Variants in PIGF observed in about 807,000 individuals in gnomAD.
The protein encoded by PIGF is phosphatidylinositol glycan anchor biosynthesis class F, also known as GPI ethanolamine phosphate transferase, stabilizing subunit.
A neutral mutation model predicts 26.0 loss-of-function variants in PIGF; 23 were observed. The ratio of observed to expected loss-of-function variants is 0.88; its 90% CI spans 0.64 to 1.25. The LOEUF (loss-of-function observed/expected upper bound fraction) is 1.25. Ranked by LOEUF, PIGF falls within the 50% of genes most tolerant of loss-of-function variation. The probability of loss-of-function intolerance (pLI) is 0.00; values close to 1 mark genes in which losing one functional copy is unlikely to be tolerated. For synonymous variants in PIGF, 93 were observed against 92.6 expected (o/e 1.00, Z -0.03); for missense variants, 278 against 249.9 (o/e 1.11, Z -0.76).
intron 4 of PIGF, among the ~76,000 whole-genome samples, chr2:46,594,273 T>C (rs1669812499): frequency 6.6e-6 from 1 of 152,224 alleles, no homozygotes. Context: ...CTCTATACTG[T>C]AATACATAAA....
Position 46,612,313 on chromosome 2 carries a change from T to C in PIGF, c.352A>G (p.Ile118Val). Residue 118 changes from isoleucine (I) to valine (V), a missense_variant, in exon 4 of 6, where the codon ATT becomes GTT. Ile to Val is a conservative substitution (Grantham distance 29). Coordinates refer to ENST00000281382, the MANE Select transcript of PIGF (RefSeq NM_002643.4). ...GGCACAGTAGTAAAAGTAGACAAAATAACTGCAAATAAAAATGTTTCCAAT... is the reference window on the plus strand; with the variant it reads ...GGCACAGTAGTAAAAGTAGACAAAACAACTGCAAATAAAAATGTTTCCAAT... ...LALETFLFAVILSTFTTVPCL... is the reference protein window; with the variant it reads ...LALETFLFAVVLSTFTTVPCL... 1 of 1,452,614 alleles carries C rather than the reference T, an allele frequency of 6.9e-7. No individual in the cohort carries two copies. Among genetic ancestry groups the C allele is most frequent in the Non-Finnish European group, 9.2e-7 (1 of 1,089,922 alleles). The allele number at this position is 1,452,614 out of a possible 1,614,324, so 90.0% of individuals were successfully genotyped here.
In PIGF at chr2:46,614,936, C is replaced by T. The variant is rs1465721782; in HGVS notation, c.228+1G>A. ...ATCAGTTATTGAGACATAAGCCTTA[C>T]CTTGTGTGATAATGAACTTCTTTTA... On this transcript the variant is annotated splice_donor_variant, in intron 2 of 5. Coordinates refer to ENST00000281382, the MANE Select transcript of PIGF (RefSeq NM_002643.4). LOFTEE classifies it high-confidence loss of function. 1 of 1,357,642 alleles carries T rather than the reference C, an allele frequency of 7.4e-7. No homozygotes were observed. Among genetic ancestry groups the T allele is most frequent in the Non-Finnish European group, 1.1e-6 (1 of 946,554 alleles). 84.1% of individuals were successfully genotyped at this position (1,357,642 alleles called of 1,614,324 possible).
chr2:46,607,953 C>T (rs1476937616), intron 4 of PIGF, among the ~76,000 whole-genome samples: 2 of 152,166 alleles, frequency 1.3e-5, no homozygotes, highest in African/African-American at 2.4e-5. Flanking sequence ...CTGTCTCAGC[C>T]TCCCAAAGTG....
At chr2:46,587,110 AT>A (rs757291959) in intron 5 of PIGF, among the ~76,000 whole-genome samples, 9 of 152,212 alleles carry the variant, frequency 5.9e-5, no homozygotes, top group Non-Finnish European at 1.0e-4. Flanking sequence ...ATCCAAAACC[AT>A]TTCATGCCAG....
chr2:46,607,141 A>C (rs1670248941), intron 4 of PIGF, among the ~76,000 whole-genome samples: 1 of 152,222 alleles, frequency 6.6e-6, no homozygotes, highest in African/African-American at 2.4e-5. Context: ...TGTGAATTAT[A>C]TCTCAATACT....
intron 4 of PIGF, among the ~76,000 whole-genome samples, chr2:46,611,482 C>CAA (rs71397012): frequency 4.6e-4 from 58 of 125,574 alleles, no homozygotes; most frequent in Middle Eastern, 4.1e-3. Context: ...GGTTCCATCT[C>CAA]AAAAAAAAAA....
At chr2:46,608,521 G>A (rs1670295394) in intron 4 of PIGF, among the ~76,000 whole-genome samples, 1 of 152,150 alleles carries the variant, frequency 6.6e-6, no homozygotes, top group Admixed American at 6.5e-5. Context: ...ATCTAGAATG[G>A]TCCTTTCCAG....
chr2:46,606,214 A>G (rs750071745), intron 4 of PIGF, among the ~76,000 whole-genome samples: 1 of 152,224 alleles, frequency 6.6e-6, no homozygotes, highest in Admixed American at 6.5e-5. Flanking sequence ...AAGGATATTC[A>G]GTGGAAAGTC....
At chr2:46,610,420 G>A (rs1459032622) in intron 4 of PIGF, among the ~76,000 whole-genome samples, 1 of 151,778 alleles carries the variant, frequency 6.6e-6, no homozygotes, top group Non-Finnish European at 1.5e-5. Context: ...TACCATTTGG[G>A]ATATTATGGT....
intron 5 of PIGF, chr2:46,582,427 T>C (rs1669426745): frequency 6.6e-6 from 1 of 152,246 alleles, no homozygotes; most frequent in African/African-American, 2.4e-5. Flanking sequence ...TTACTAGTTC[T>C]ATTACCTAAT....
chr2:46,594,345 G>A (rs1669815327), intron 4 of PIGF, among the ~76,000 whole-genome samples: 1 of 152,152 alleles, frequency 6.6e-6, no homozygotes, highest in African/African-American at 2.4e-5. Flanking sequence ...TTTCTGTTGG[G>A]AAGAATTCAC....
intron 5 of PIGF, 21 bp downstream of exon 5, chr2:46,592,454 C>A: frequency 8.6e-7 from 1 of 1,165,626 alleles, no homozygotes; most frequent in East Asian, 2.3e-5. Context: ...TATTTTGTTG[C>A]TTTAAGTAAC....
intron 4 of PIGF, among the ~76,000 whole-genome samples, chr2:46,609,624 T>G (rs1670340735): frequency 6.6e-6 from 1 of 152,058 alleles, no homozygotes; most frequent in African/African-American, 2.4e-5. Context: ...CTTGAACACT[T>G]AAGAGACCAT....
intron 4 of PIGF, among the ~76,000 whole-genome samples, chr2:46,605,927 C>G (rs1670207204): frequency 6.6e-6 from 1 of 152,076 alleles, no homozygotes; most frequent in African/African-American, 2.4e-5. Flanking sequence ...ATGTCATGTG[C>G]TATGTGATAT....
At chr2:46,599,332 T>G (rs1669986679) in intron 4 of PIGF, among the ~76,000 whole-genome samples, 1 of 152,232 alleles carries the variant, frequency 6.6e-6, no homozygotes, top group African/African-American at 2.4e-5. Flanking sequence ...CCCTTTGATG[T>G]ACAAACTGGA....
rs1450083990 is a variant in PIGF, at chr2:46,581,498, G to A, written c.640C>T (p.Leu214Phe). 1 of 1,611,318 alleles carries A rather than the reference G, an allele frequency of 6.2e-7. No homozygotes were observed. The highest frequency in any genetic ancestry group is 1.1e-5 in the South Asian group (1 of 90,924). Residue 214 changes from leucine (L) to phenylalanine (F), a missense_variant, in exon 6 of 6, where the codon CTT (leucine) becomes TTT (phenylalanine). Leu to Phe is a conservative substitution (Grantham distance 22). Transcript: ENST00000281382. ...PLWIYWNRKQ[L>F]TYKNN ...TCCAGTTAATTGTTCTTGTATGTAAGTTGCTTTCTATTCCAGTATATCCAG... is the reference window on the plus strand; with the variant it reads ...TCCAGTTAATTGTTCTTGTATGTAAATTGCTTTCTATTCCAGTATATCCAG...
chr2:46,605,808 G>A (rs79605687), intron 4 of PIGF, among the ~76,000 whole-genome samples: 3 of 152,042 alleles, frequency 2.0e-5, no homozygotes, highest in Non-Finnish European at 2.9e-5. Context: ...AGCTTTCTAA[G>A]TTCTTCATCT....
At chr2:46,596,817 TCTC>T (rs1283219057) in intron 4 of PIGF, among the ~76,000 whole-genome samples, 4 of 152,128 alleles carry the variant, frequency 2.6e-5, no homozygotes, top group Non-Finnish European at 4.4e-5. Context: ...AATGGTAACA[TCTC>T]CTCCTTTCAA....
intron 4 of PIGF, among the ~76,000 whole-genome samples, chr2:46,595,206 G>A (rs1181933506): frequency 1.3e-5 from 2 of 152,132 alleles, no homozygotes; most frequent in African/African-American, 4.8e-5. Context: ...CATCACCACT[G>A]TAAGTTTTAG....
Sources: allele counts gnomAD v4.1 joint callset (sites outside exome capture counted in the v4.1 genomes callset), GRCh38; gene constraint gnomAD v4.1.1; transcripts MANE v1.5; gene names NCBI Gene and HGNC (gene_info 2026-07-23, HGNC 2026-07-21).